Variants in FYB2 observed in about 807,000 individuals in gnomAD.
FYB2 encodes the protein FYN binding protein 2, also known as FYN-binding protein 2.
A neutral mutation model predicts 94.1 loss-of-function variants in FYB2; 103 were observed. That is an observed-to-expected ratio of 1.09 (90% CI 0.93 to 1.29). The LOEUF (loss-of-function observed/expected upper bound fraction) is 1.29. FYB2 is among the 50% of genes most tolerant of loss of function. FYB2 has a pLI of 0.00. For synonymous variants in FYB2, 293 were observed against 287.9 expected (o/e 1.02, Z -0.18); for missense variants, 896 against 841.5 (o/e 1.06, Z -0.80).
intron 17 of FYB2, among the ~76,000 whole-genome samples, chr1:56,723,228 C>T (rs1051344139): frequency 6.6e-6 from 1 of 150,468 alleles, no homozygotes; most frequent in Admixed American, 6.6e-5. Flanking sequence ...CACACACGCA[C>T]ACACACACAC....
intron 4 of FYB2, among the ~76,000 whole-genome samples, chr1:56,772,450 T>C (rs2100841040): frequency 6.6e-6 from 1 of 152,288 alleles, no homozygotes; most frequent in Non-Finnish European, 1.5e-5. Flanking sequence ...CCTTTATCCC[T>C]GGTCCATTAA....
chr1:56,786,852 C>T (rs1361136793), intron 4 of FYB2, among the ~76,000 whole-genome samples: 2 of 152,150 alleles, frequency 1.3e-5, no homozygotes, highest in Non-Finnish European at 2.9e-5. Context: ...TAACATCACA[C>T]CAGCTGCCCA....
chr1:56,738,546 G>A (rs1276912451), intron 14 of FYB2, 79 bp downstream of exon 14: 2 of 1,385,948 alleles, frequency 1.4e-6, no homozygotes, highest in East Asian at 2.4e-5. Context: ...ATGCAGGAAG[G>A]GTTACCATTT....
intron 5 of FYB2, among the ~76,000 whole-genome samples, chr1:56,766,432 T>A (rs1438777454): frequency 1.3e-5 from 2 of 151,322 alleles, no homozygotes; most frequent in Admixed American, 1.3e-4. Flanking sequence ...CCCTTATTTC[T>A]TTTTTTTTCT....
At chr1:56,759,300 A>ATGGG (rs1288474115) in intron 5 of FYB2, among the ~76,000 whole-genome samples, 6 of 152,158 alleles carry the variant, frequency 3.9e-5, no homozygotes, top group Non-Finnish European at 8.8e-5. Flanking sequence ...TCGCTTAACA[A>ATGGG]TGGGGATCTG....
chr1:56,756,529 C>A (rs972733215), intron 6 of FYB2, among the ~76,000 whole-genome samples: 1 of 152,138 alleles, frequency 6.6e-6, no homozygotes, highest in Non-Finnish European at 1.5e-5. Flanking sequence ...AATGCCATCA[C>A]AAAATCCAGG....
rs764278886 is a variant in FYB2, at chr1:56,726,525, C to G, written c.1852G>C (p.Glu618Gln). Residue 618 changes from glutamate to glutamine, a missense_variant, in exon 16 of 20, where the codon GAG (glutamate) becomes CAG (glutamine). Physicochemically the swap from Glu to Gln is conservative, Grantham distance 29. Coordinates refer to ENST00000343433, the MANE Select transcript of FYB2 (RefSeq NM_001004303.5). ...PKFLTPKEKK[E>Q]KNGAEESESF... Reference sequence around the variant, plus strand: ...TCTGATTCTTCAGCACCGTTTTTCTCTTTTTTTTCCTTTGGTGTCAGAAAC... The same window carrying G: ...TCTGATTCTTCAGCACCGTTTTTCTGTTTTTTTTCCTTTGGTGTCAGAAAC... 5 of 1,611,642 alleles carry G rather than the reference C, an allele frequency of 3.1e-6. No homozygotes were observed. Among genetic ancestry groups the G allele is most frequent in the Non-Finnish European group, 4.2e-6 (5 of 1,178,678 alleles).
At chr1:56,811,937 T>TC (rs1232838223) in intron 1 of FYB2, among the ~76,000 whole-genome samples, 1 of 152,032 alleles carries the variant, frequency 6.6e-6, no homozygotes, top group Non-Finnish European at 1.5e-5. Flanking sequence ...CCATTTTTTT[T>TC]TCCTTTTTCT....
chr1:56,726,444 G>A (rs553066826), intron 16 of FYB2, 53 bp downstream of exon 16: 1 of 1,496,504 alleles, frequency 6.7e-7, no homozygotes, highest in East Asian at 2.3e-5. Context: ...CAGCTAGTAA[G>A]AGGTATAAAT....
chr1:56,735,277 CATA>C (rs1000384876), intron 15 of FYB2, among the ~76,000 whole-genome samples: 8 of 152,048 alleles, frequency 5.3e-5, no homozygotes, highest in Admixed American at 4.6e-4. Flanking sequence ...ACTATTCAGC[CATA>C]AAAAAGAATG....
intron 1 of FYB2, among the ~76,000 whole-genome samples, chr1:56,808,790 C>T (rs1646701759): frequency 6.6e-6 from 1 of 152,120 alleles, no homozygotes; most frequent in African/African-American, 2.4e-5. Context: ...CGTTATATCT[C>T]ATCCCCATCT....
chr1:56,810,676 G>A (rs939159247), intron 1 of FYB2, among the ~76,000 whole-genome samples: 2 of 152,196 alleles, frequency 1.3e-5, no homozygotes, highest in African/African-American at 4.8e-5. Context: ...TTACTTAGCT[G>A]AGAGATGCCA....
intron 6 of FYB2, among the ~76,000 whole-genome samples, chr1:56,757,757 T>C (rs1480261540): frequency 1.4e-5 from 2 of 140,434 alleles, no homozygotes; most frequent in African/African-American, 2.7e-5. Context: ...TTTCTTTCTT[T>C]TCATTCTTTC....
intron 15 of FYB2, among the ~76,000 whole-genome samples, chr1:56,730,237 G>T (rs1644675734): frequency 6.7e-6 from 1 of 148,596 alleles, no homozygotes; most frequent in South Asian, 2.2e-4. Context: ...GAAACAAAAA[G>T]CTGGTGTTTT....
chr1:56,803,785 A>G (rs1646574787), intron 1 of FYB2, among the ~76,000 whole-genome samples: 1 of 152,182 alleles, frequency 6.6e-6, no homozygotes, highest in African/African-American at 2.4e-5. Context: ...GCATCCCATC[A>G]CAGCCCATGC....
intron 15 of FYB2, among the ~76,000 whole-genome samples, chr1:56,732,663 G>A (rs1177237796): frequency 6.6e-6 from 1 of 152,028 alleles, no homozygotes; most frequent in Non-Finnish European, 1.5e-5. Flanking sequence ...AGATAACCCA[G>A]AAATTAATCC....
intron 4 of FYB2, among the ~76,000 whole-genome samples, chr1:56,770,619 T>G (rs1645731297): frequency 1.3e-5 from 2 of 152,166 alleles, no homozygotes; most frequent in Non-Finnish European, 2.9e-5. Flanking sequence ...AGAAAATCTA[T>G]TATTGTAATT....
chr1:56,789,350 C>G (rs540101830), intron 2 of FYB2, among the ~76,000 whole-genome samples: 2 of 152,282 alleles, frequency 1.3e-5, no homozygotes, highest in Non-Finnish European at 2.9e-5. Context: ...TCTGCCATTT[C>G]TACACCACAC....
At chr1:56,753,354 A>G (rs1413886259) in intron 8 of FYB2, among the ~76,000 whole-genome samples, 1 of 152,124 alleles carries the variant, frequency 6.6e-6, no homozygotes, top group Non-Finnish European at 1.5e-5. Flanking sequence ...ATGGCTTATG[A>G]AACACTTTCT....
Sources: allele counts gnomAD v4.1 joint callset (sites outside exome capture counted in the v4.1 genomes callset), GRCh38; gene constraint gnomAD v4.1.1; transcripts MANE v1.5; gene names NCBI Gene and HGNC (gene_info 2026-07-23, HGNC 2026-07-21).